Variants in DACH2 observed in about 807,000 individuals in gnomAD.
DACH2 encodes dachshund homolog 2.
DACH2 carries 17 observed loss-of-function variants against 35.8 expected under a neutral mutation model. The observed-to-expected ratio is 0.48, with a 90% CI of 0.33 to 0.71. The LOEUF (loss-of-function observed/expected upper bound fraction) is 0.71, where lower values mean the gene tolerates loss of function less well. Among genes scored for constraint, DACH2 ranks in the 30% least tolerant of loss-of-function variants. The pLI, the probability that DACH2 is intolerant of heterozygous loss-of-function variation, is 0.02. For synonymous variants in DACH2, 195 were observed against 177.3 expected (o/e 1.10, Z -0.79); for missense variants, 469 against 472.7 (o/e 0.99, Z 0.07).
At chrX:86,152,933 G>T (rs1327883329) in intron 1 of DACH2, among the ~76,000 whole-genome samples, 1 of 111,650 alleles carries the variant, frequency 9.0e-6, no homozygotes, top group Non-Finnish European at 1.9e-5. Flanking sequence ...TTATGCAATA[G>T]ATTTTTCTTA....
chrX:86,168,963 T>C (rs983073298), intron 1 of DACH2, among the ~76,000 whole-genome samples: 1 of 111,678 alleles, frequency 9.0e-6, no homozygotes, highest in African/African-American at 3.3e-5. Flanking sequence ...ATATTCTGTG[T>C]TTTTTTGTGT....
intron 1 of DACH2, among the ~76,000 whole-genome samples, chrX:86,219,400 C>T (rs1416786970): frequency 2.7e-5 from 3 of 111,257 alleles, no homozygotes; most frequent in Non-Finnish European, 5.7e-5. Context: ...CAGATTATTT[C>T]ATCACCTAGG....
At chrX:86,776,171 G>A (rs1182675717) in intron 7 of DACH2, among the ~76,000 whole-genome samples, 1 of 111,671 alleles carries the variant, frequency 9.0e-6, no homozygotes, top group East Asian at 2.8e-4. Flanking sequence ...GCTATAACAA[G>A]AATACCATAA....
At chrX:86,238,131 A>G (rs1246691219) in intron 1 of DACH2, among the ~76,000 whole-genome samples, 2 of 112,290 alleles carry the variant, frequency 1.8e-5, no homozygotes, top group Non-Finnish European at 3.8e-5. Context: ...AATAATAAAT[A>G]TTTCACAGTT....
intron 5 of DACH2, among the ~76,000 whole-genome samples, chrX:86,700,973 G>A (rs922185978): frequency 8.9e-6 from 1 of 111,771 alleles, no homozygotes; most frequent in African/African-American, 3.3e-5. Context: ...AAATTGAGGA[G>A]GAGGGACCTT....
Position 86,814,859 on chromosome X carries a change from A to C in DACH2, c.1684+25A>C, listed in dbSNP as rs774910092. ...GGTAATGTCTGATTTGGATTTTCAC[A>C]CTCAAGGTAAACAAAGCAAAACTGA... On this transcript the variant is annotated intron_variant, in intron 10 of 11. Coordinates refer to ENST00000373125, the MANE Select transcript of DACH2 (RefSeq NM_053281.3). The C allele has an allele frequency of 1.0e-5, 12 of 1,183,441 alleles. No homozygotes were observed. The East Asian group carries it at 2.4e-4, about 24-fold the overall frequency.
At chrX:86,230,879 T>C (rs2032934028) in intron 1 of DACH2, among the ~76,000 whole-genome samples, 1 of 112,334 alleles carries the variant, frequency 8.9e-6, no homozygotes, top group Non-Finnish European at 1.9e-5. Context: ...CTCTCTTTTT[T>C]CCTTAGGTTA....
chrX:86,455,888 C>A (rs943786449), intron 2 of DACH2, among the ~76,000 whole-genome samples: 1 of 112,147 alleles, frequency 8.9e-6, no homozygotes, highest in Non-Finnish European at 1.9e-5. Context: ...ATATTAAACT[C>A]CTGGGTGTCT....
chrX:86,444,134 A>G (rs1428143414), intron 2 of DACH2, among the ~76,000 whole-genome samples: 1 of 111,769 alleles, frequency 8.9e-6, no homozygotes, highest in Non-Finnish European at 1.9e-5. Flanking sequence ...CCTGTCACCC[A>G]GGCTGGAATG....
intron 2 of DACH2, among the ~76,000 whole-genome samples, chrX:86,424,758 A>G (rs939247269): frequency 5.4e-5 from 6 of 111,458 alleles, no homozygotes; most frequent in African/African-American, 2.0e-4. Context: ...GTTTTGTTCC[A>G]GAGCTTCGAG....
At chrX:86,236,063 G>T (rs893881765) in intron 1 of DACH2, among the ~76,000 whole-genome samples, 3 of 111,724 alleles carry the variant, frequency 2.7e-5, no homozygotes, top group African/African-American at 9.8e-5. Flanking sequence ...AACCTGAGAA[G>T]TGGAGGTTGC....
intron 2 of DACH2, among the ~76,000 whole-genome samples, chrX:86,391,408 T>C (rs2036201630): frequency 9.2e-6 from 1 of 108,369 alleles, no homozygotes; most frequent in African/African-American, 3.3e-5. Flanking sequence ...AGTGGAATTG[T>C]ACTATAATTT....
chrX:86,444,633 C>T (rs1195058520), intron 2 of DACH2, among the ~76,000 whole-genome samples: 1 of 111,139 alleles, frequency 9.0e-6, no homozygotes, highest in Non-Finnish European at 1.9e-5. Flanking sequence ...GTAATATCTC[C>T]TTTTTCATCT....
chrX:86,519,416 A>G (rs1372819636), intron 3 of DACH2, among the ~76,000 whole-genome samples: 1 of 111,821 alleles, frequency 8.9e-6, no homozygotes, highest in Non-Finnish European at 1.9e-5. Flanking sequence ...TCATAGAATG[A>G]GTTAGGGAGG....
At chrX:86,182,391 G>C (rs1274656034) in intron 1 of DACH2, among the ~76,000 whole-genome samples, 3 of 111,923 alleles carry the variant, frequency 2.7e-5, no homozygotes, top group African/African-American at 9.7e-5. Flanking sequence ...TCCAGTTTCA[G>C]TTTTCTGCAT....
intron 1 of DACH2, among the ~76,000 whole-genome samples, chrX:86,257,813 T>G (rs5967696): frequency 9.0e-6 from 1 of 111,146 alleles, no homozygotes; most frequent in Non-Finnish European, 1.9e-5. Context: ...ATTGTCATTA[T>G]GGTTTTATTT....
chrX:86,817,524 G>A (rs191948685), intron 11 of DACH2, among the ~76,000 whole-genome samples: 1 of 111,425 alleles, frequency 9.0e-6, no homozygotes, highest in African/African-American at 3.3e-5. Context: ...GCCCTGCTTT[G>A]AGTGGGTTTA....
intron 1 of DACH2, among the ~76,000 whole-genome samples, chrX:86,190,946 A>AAAAT (rs1485561970): frequency 4.5e-5 from 5 of 111,679 alleles, no homozygotes; most frequent in Non-Finnish European, 9.4e-5. Context: ...CTTCATCTCA[A>AAAAT]AAATAAATAA....
chrX:86,723,427 G>T (rs1015448239), intron 6 of DACH2, among the ~76,000 whole-genome samples: 1 of 109,197 alleles, frequency 9.2e-6, no homozygotes, highest in Non-Finnish European at 1.9e-5. Context: ...GAAGTAGGCA[G>T]TTAACGGTAT....
Sources: allele counts gnomAD v4.1 joint callset (sites outside exome capture counted in the v4.1 genomes callset), GRCh38; gene constraint gnomAD v4.1.1; transcripts MANE v1.5; gene names NCBI Gene and HGNC (gene_info 2026-07-23, HGNC 2026-07-21).